Variants in HDAC6 observed in about 807,000 individuals in gnomAD.
The protein encoded by HDAC6 is protein deacetylase HDAC6.
In HDAC6, 5 loss-of-function variants were observed where a neutral mutation model predicts 88.9. That is an observed-to-expected ratio of 0.06 (90% CI 0.03 to 0.12). HDAC6 has a LOEUF of 0.12. Ranked by LOEUF, HDAC6 falls within the 10% of genes least tolerant of loss-of-function variation. The pLI, the probability that HDAC6 is intolerant of heterozygous loss-of-function variation, is 1.00. For synonymous variants in HDAC6, 378 were observed against 398.0 expected (o/e 0.95, Z 0.60); for missense variants, 706 against 1,014.4 (o/e 0.70, Z 4.13).
intron 10 of HDAC6, chrX:48,810,875 G>A (rs1483742256): frequency 2.7e-5 from 3 of 110,902 alleles, no homozygotes; most frequent in African/African-American, 9.9e-5. Flanking sequence ...CTGTGACCTG[G>A]GAGATTTTGT....
chrX:48,804,660 AAAAC>A (rs1315144144), intron 4 of HDAC6, among the ~76,000 whole-genome samples: 4 of 112,630 alleles, frequency 3.6e-5, no homozygotes, highest in South Asian at 3.6e-4. Context: ...AGCAGTAAAC[AAAAC>A]AAACAAAAGC....
intron 1 of HDAC6, 177 bp downstream of exon 1, chrX:48,802,319 T>C (rs1209894609): frequency 9.0e-6 from 8 of 884,443 alleles, no homozygotes; most frequent in Non-Finnish European, 1.1e-5. Flanking sequence ...GGTCTGGGAA[T>C]GGGGCTTAGG....
chrX:48,819,495 T>G (rs2063045285), intron 22 of HDAC6: 1 of 139,611 alleles, frequency 7.2e-6, no homozygotes, highest in Non-Finnish European at 1.4e-5. Flanking sequence ...TCTCTCTGTT[T>G]TTCATGTCAC....
intron 4 of HDAC6, among the ~76,000 whole-genome samples, chrX:48,803,927 C>A (rs911815189): frequency 1.8e-5 from 2 of 112,289 alleles, no homozygotes; most frequent in Non-Finnish European, 3.8e-5. Flanking sequence ...TTTGGGGGGG[C>A]CAAGGCAGGT....
intron 10 of HDAC6, among the ~76,000 whole-genome samples, chrX:48,813,056 C>T (rs1002668598): frequency 2.7e-5 from 3 of 111,650 alleles, no homozygotes; most frequent in South Asian, 3.7e-4. Flanking sequence ...TACAGGCACG[C>T]GCCACCACGC....
chrX:48,802,848 T>TGAC (rs782558307), intron 2 of HDAC6, 23 bp from the exon 3 acceptor site: 1 of 1,208,311 alleles, frequency 8.3e-7, no homozygotes, highest in Non-Finnish European at 1.1e-6. Flanking sequence ...CCCTGGACTC[T>TGAC]GACCCTTCTC....
chrX:48,803,920 G>T (rs1182884690), intron 4 of HDAC6, among the ~76,000 whole-genome samples: 1 of 112,269 alleles, frequency 8.9e-6, no homozygotes, highest in African/African-American at 3.2e-5. Context: ...CCAGCACTTT[G>T]GGGGGGCCAA....
chrX:48,816,558 C>T lies in HDAC6; in HGVS notation c.1716C>T (p.Cys572=). The change falls in exon 19 of 29, where the codon TGC becomes TGT. Residue 572 remains cysteine, a synonymous_variant. Transcript: ENST00000334136. ...ESSNFDSIYI[C]PSTFACAQLA... ...CCAACTTTGACTCCATCTATATCTGCCCCAGTACCTTCGCCTGTGCACAGC... is the reference window on the plus strand; with the variant it reads ...CCAACTTTGACTCCATCTATATCTGTCCCAGTACCTTCGCCTGTGCACAGC... 1.7e-6 allele frequency: 2 copies of T among 1,210,911 alleles called. No homozygotes were observed. Among genetic ancestry groups the T allele is most frequent in the Non-Finnish European group, 2.2e-6 (2 of 894,789 alleles).
rs781932316 is a variant in HDAC6 at position 48,822,815 on chromosome X, TG to T, written c.2512+27del. On this transcript the variant is annotated intron_variant, in intron 24 of 28. Transcript: ENST00000334136. The stretch of plus-strand genomic sequence containing the variant: ...CATGAGTGAGTGGATTTGGGGGTGA[TG>T]GGGGGAACCCAGGGAAGGAGGGGGC... 1.4e-5 allele frequency: 16 copies of T among 1,174,209 alleles called. No individual in the cohort carries two copies. The East Asian group carries it at 4.5e-4, about 33-fold the overall frequency.
intron 14 of HDAC6, 155 bp downstream of exon 14, chrX:48,815,206 C>A: frequency 1.7e-6 from 1 of 572,060 alleles, no homozygotes; most frequent in Non-Finnish European, 2.9e-6. Flanking sequence ...CGCTTTCCTT[C>A]TATAAAACGA....
chrX:48,801,584 C>T (rs910747850), upstream of HDAC6: 10 of 212,724 alleles, frequency 4.7e-5, no homozygotes, highest in Non-Finnish European at 8.7e-5. Context: ...AAAAAGCTTG[C>T]ACCGCAGCCC....
chrX:48,806,175 C>A, intron 6 of HDAC6, 193 bp from the exon 7 acceptor site: 1 of 415,142 alleles, frequency 2.4e-6, no homozygotes. Flanking sequence ...GGTGTGGCTA[C>A]TGCAGGGGAG....
Position 48,804,887 on chromosome X carries a change from G to A in HDAC6, c.312-551G>A, listed in dbSNP as rs190069123. 5.0e-5 allele frequency among the ~76,000 whole-genome samples: 5 copies of A among 99,961 alleles called. No homozygotes were observed. The East Asian group carries it at 1.6e-3, about 32-fold the overall frequency. The allele number at this position is 99,961 out of a possible 115,157, so 86.8% of individuals were successfully genotyped here. A position where few individuals can be genotyped will look rare whatever the true frequency, so the allele number is the denominator to read the frequency against. ...AAGAGGTGAAGGAGTAAGTCATGGA[G>A]ACAGTTGGAGGAAGAGTATTCTAGG... On this transcript the variant is annotated intron_variant, in intron 4 of 28. Coordinates refer to ENST00000334136, the MANE Select transcript of HDAC6 (RefSeq NM_006044.4).
chrX:48,817,077 G>A (rs1341034352), intron 19 of HDAC6: 5 of 284,425 alleles, frequency 1.8e-5, no homozygotes, highest in African/African-American at 5.6e-5. Flanking sequence ...GTGAAACCCC[G>A]TCTCTACTAA....
intron 8 of HDAC6, 47 bp downstream of exon 8, chrX:48,806,753 C>T: frequency 1.3e-6 from 1 of 790,319 alleles, no homozygotes; most frequent in East Asian, 3.2e-5. Flanking sequence ...TAAAGTCCTT[C>T]CTTCAAGTGT....
chrX:48,810,609 TA>T (rs2062887032), intron 10 of HDAC6: 4 of 109,239 alleles, frequency 3.7e-5, no homozygotes, highest in African/African-American at 1.3e-4. Flanking sequence ...TTTATTTATT[TA>T]TTTATTTATT....
Position 48,805,616 on chromosome X carries a change from C to A in HDAC6, c.397-15C>A. 1 of 1,186,431 alleles carries A rather than the reference C, an allele frequency of 8.4e-7. No individual in the cohort carries two copies. Among genetic ancestry groups the A allele is most frequent in the Non-Finnish European group, 1.1e-6 (1 of 881,291 alleles). On this transcript the variant is annotated splice_polypyrimidine_tract_variant and intron_variant, in intron 5 of 28. Coordinates refer to ENST00000334136, the MANE Select transcript of HDAC6 (RefSeq NM_006044.4). ...CTTAACCCTTTACCCCACTTTATTCCTCATCTCTCCCCAGGCCCGGTTTGC... is the reference window on the plus strand; with the variant it reads ...CTTAACCCTTTACCCCACTTTATTCATCATCTCTCCCCAGGCCCGGTTTGC...
In HDAC6 at chrX:48,823,560, G is replaced by A. The variant is rs782131500; in HGVS notation, c.3161G>A (p.Arg1054Lys). 2.6e-5 allele frequency: 32 copies of A among 1,207,565 alleles called. No individual in the cohort carries two copies. The East Asian group carries it at 9.2e-4, about 35-fold the overall frequency. Residue 1054 changes from arginine (R) to lysine (K), a missense_variant, in exon 25 of 29, where the codon AGG (arginine) becomes AAG (lysine). Transcript: ENST00000334136. ...ISPSTLIGSL[R>K]TLELGSESQG... The stretch of plus-strand genomic sequence containing the variant: ...CCCAGTACACTGATTGGGAGTCTCA[G>A]GACCTTGGAGCTAGGCAGCGAATCT...
In HDAC6 at chrX:48,822,611, T is replaced by G. The variant is rs782342844; in HGVS notation, c.2338-9T>G. On this transcript the variant is annotated splice_polypyrimidine_tract_variant and intron_variant, in intron 23 of 28. Coordinates refer to ENST00000334136, the MANE Select transcript of HDAC6 (RefSeq NM_006044.4). ...ACCATACCTTTCCCTCCCCTTTTCC[T>G]TAACAAAGGGTGGCTATAACCTGAC... 8.7e-7 allele frequency: 1 copy of G among 1,153,775 alleles called. No homozygotes were observed. Among genetic ancestry groups the G allele is most frequent in the Admixed American group, 2.6e-5 (1 of 37,893 alleles).
Sources: allele counts gnomAD v4.1 joint callset (sites outside exome capture counted in the v4.1 genomes callset), GRCh38; gene constraint gnomAD v4.1.1; transcripts MANE v1.5; gene names NCBI Gene and HGNC (gene_info 2026-07-23, HGNC 2026-07-21).